MYO3A: variants seen among roughly 807,000 people sequenced by gnomAD.
MYO3A encodes myosin IIIA, also known as myosin-IIIa.
In MYO3A, 180 loss-of-function variants were observed where a neutral mutation model predicts 192.7. The ratio of observed to expected loss-of-function variants is 0.93; its 90% CI spans 0.83 to 1.06. MYO3A has a LOEUF of 1.06. Among genes scored for constraint, MYO3A ranks in the 50% least tolerant of loss-of-function variants. MYO3A has a pLI of 0.00. For missense variants in MYO3A, 1,896 were observed against 1,905.0 expected, an observed-to-expected ratio of 1.00 and a Z score of 0.09; for synonymous variants, 628 against 645.3, an observed-to-expected ratio of 0.97 and a Z score of 0.41.
chr10:26,114,053 A>G (rs1838352943), intron 17 of MYO3A, among the ~76,000 whole-genome samples: 1 of 152,154 alleles, frequency 6.6e-6, no homozygotes, highest in African/African-American at 2.4e-5. Context: ...TCTGCCTGGT[A>G]TGTGAGTTGC....
chr10:26,040,168 T>C (rs1362397270), intron 10 of MYO3A, among the ~76,000 whole-genome samples: 3 of 151,996 alleles, frequency 2.0e-5, no homozygotes, highest in African/African-American at 7.2e-5. Context: ...GTTAACCCTT[T>C]TCCTGTTTTT....
intron 26 of MYO3A, among the ~76,000 whole-genome samples, chr10:26,164,031 A>G (rs1052437482): frequency 6.6e-6 from 1 of 152,252 alleles, no homozygotes; most frequent in Non-Finnish European, 1.5e-5. Context: ...ATTAGAATGG[A>G]AAAGGACCTG....
At chr10:25,986,052 A>G (rs116514862) in intron 4 of MYO3A, among the ~76,000 whole-genome samples, 1,641 of 152,324 alleles carry the variant, frequency 0.011, 24 homozygotes, top group African/African-American at 0.036. Context: ...ATAGATTAAC[A>G]TATGTAAGTC....
At chr10:26,171,450 G>C (rs761670587) in intron 29 of MYO3A, among the ~76,000 whole-genome samples, 3 of 150,194 alleles carry the variant, frequency 2.0e-5, no homozygotes, top group Admixed American at 2.0e-4. Flanking sequence ...TGGTCTCACA[G>C]ATGATCTCAT....
intron 20 of MYO3A, among the ~76,000 whole-genome samples, chr10:26,138,612 T>A (rs192828846): frequency 6.6e-6 from 1 of 152,146 alleles, no homozygotes; most frequent in Non-Finnish European, 1.5e-5. Flanking sequence ...ACTCATATTA[T>A]TGAAAGGCAA....
In MYO3A at chr10:26,055,432, C is replaced by T. The variant is rs146731954; in HGVS notation, c.954-11543C>T. ...ACAGGTAGGAAAATACAGAAAATAT[C>T]AGCTTATTGGAGCAGAAACATGCAA... On this transcript the variant is annotated intron_variant, in intron 10 of 34. Coordinates refer to ENST00000642920, the MANE Select transcript of MYO3A (RefSeq NM_017433.5). Among the ~76,000 whole-genome samples, 81 of 152,050 alleles carry T rather than the reference C, an allele frequency of 5.3e-4. No homozygotes were observed. The East Asian group carries it at 0.014, about 27-fold the overall frequency.
intron 20 of MYO3A, among the ~76,000 whole-genome samples, chr10:26,142,621 T>C (rs1840227709): frequency 6.6e-6 from 1 of 152,224 alleles, no homozygotes; most frequent in African/African-American, 2.4e-5. Flanking sequence ...AGAAAATAGA[T>C]GTTTATAGAG....
intron 17 of MYO3A, among the ~76,000 whole-genome samples, chr10:26,100,905 G>T (rs540957959): frequency 6.6e-6 from 1 of 152,218 alleles, no homozygotes; most frequent in East Asian, 1.9e-4. Context: ...GTAGATGTCT[G>T]TTAGGTCTGC....
At chr10:25,988,158 C>G (rs1839769583) in intron 4 of MYO3A, among the ~76,000 whole-genome samples, 1 of 151,988 alleles carries the variant, frequency 6.6e-6, no homozygotes, top group Non-Finnish European at 1.5e-5. Context: ...GAGAGCTAAG[C>G]TATGAGGACA....
chr10:26,186,491 C>A (rs1842876239), intron 31 of MYO3A, among the ~76,000 whole-genome samples: 1 of 152,176 alleles, frequency 6.6e-6, no homozygotes, highest in Non-Finnish European at 1.5e-5. Context: ...TGGTCTCGAT[C>A]TCCTGACCTC....
Position 26,137,291 on chromosome 10 carries a change from G to A in MYO3A, c.2263-6157G>A, listed in dbSNP as rs183045142. 1.6e-4 allele frequency among the ~76,000 whole-genome samples: 24 copies of A among 152,266 alleles called. 1 individual carries two copies. The highest frequency in any genetic ancestry group is 1.0e-3 in the South Asian group (5 of 4,828). On this transcript the variant is annotated intron_variant, in intron 20 of 34. Coordinates refer to ENST00000642920, the MANE Select transcript of MYO3A (RefSeq NM_017433.5). The stretch of plus-strand genomic sequence containing the variant: ...AAGATTTGAAATAGTTCACTGTTGC[G>A]GGAAGTCAGGGACCCTGAATGGAGG...
rs1840287622 is a variant in MYO3A, at chr10:26,143,526, CA to C, written c.2345del (p.Lys782SerfsTer24). 6.2e-7 allele frequency: 1 copy of C among 1,613,890 alleles called. No homozygotes were observed. The highest frequency in any genetic ancestry group is 1.3e-5 in the African/African-American group (1 of 75,020). On this transcript the variant is annotated frameshift_variant, in exon 21 of 35. Coordinates refer to ENST00000642920, the MANE Select transcript of MYO3A (RefSeq NM_017433.5). LOFTEE classifies it high-confidence loss of function. ...CTGGCCCCTCTTAGATATGTTTCTG[CA>C]AAAGCCAATGGGTTTACTTTCCCTA... is the stretch of plus-strand genomic sequence containing the variant. ...DNWPLLDMFL[Q>X]KPMGLLSLLD...
At chr10:25,979,375 A>C (rs886590347) in intron 4 of MYO3A, among the ~76,000 whole-genome samples, 12 of 150,912 alleles carry the variant, frequency 8.0e-5, no homozygotes, top group Non-Finnish European at 1.6e-4. Context: ...GTCACAAAAT[A>C]TTATCTTAGT....
In MYO3A at chr10:26,068,805, G is replaced by A. The variant is rs1315457275; in HGVS notation, c.1091G>A (p.Arg364Lys). The A allele has an allele frequency of 6.3e-7, 1 of 1,596,756 alleles. No homozygotes were observed. Among genetic ancestry groups the A allele is most frequent in the African/African-American group, 1.3e-5 (1 of 74,616 alleles). The change falls in exon 12 of 35, where the codon AGA (arginine) becomes AAA (lysine). Residue 364 changes from arginine to lysine, a missense_variant. Transcript: ENST00000642920. Reference protein sequence around the residue: ...VSEQLEKCYSRDQIYVYVGDI... With the variant: ...VSEQLEKCYSKDQIYVYVGDI... ...GAGCAACTTGAGAAGTGTTATTCCA[G>A]AGATCAGATCTACGTCTATGTGGGA... is the stretch of plus-strand genomic sequence containing the variant.
At chr10:26,121,326 G>T (rs1156973054) in intron 18 of MYO3A, among the ~76,000 whole-genome samples, 1 of 151,934 alleles carries the variant, frequency 6.6e-6, no homozygotes, top group Non-Finnish European at 1.5e-5. Context: ...GTAATTTAAG[G>T]TTTTCCATTA....
chr10:26,125,608 G>A lies in MYO3A; in HGVS notation c.2114G>A (p.Ser705Asn), dbSNP rs141374777. ...TTGTTGAAGCATGACTCATCACCAA[G>A]GTAAAAATTTTTACAGAAACATTTT... is the stretch of plus-strand genomic sequence containing the variant. ...NSLLKHDSSPSGNGDELSIGI... is the reference protein window; with the variant it reads ...NSLLKHDSSPNGNGDELSIGI... Residue 705 changes from serine (S) to asparagine (N), a missense_variant and splice_region_variant, in exon 19 of 35, where the codon AGT (serine) becomes AAT (asparagine). Physicochemically the swap from Ser to Asn is conservative, Grantham distance 46 (BLOSUM62 1). Coordinates refer to ENST00000642920, the MANE Select transcript of MYO3A (RefSeq NM_017433.5). 6.2e-7 allele frequency: 1 copy of A among 1,613,340 alleles called. No individual in the cohort carries two copies. Among genetic ancestry groups the A allele is most frequent in the Non-Finnish European group, 8.5e-7 (1 of 1,179,644 alleles).
chr10:26,007,459 A>G (rs1484423414), intron 6 of MYO3A, among the ~76,000 whole-genome samples: 1 of 151,132 alleles, frequency 6.6e-6, no homozygotes, highest in African/African-American at 2.5e-5. Context: ...TTTGCAGATG[A>G]CATGATTGTA....
chr10:26,183,963 G>A (rs368661959), intron 31 of MYO3A, among the ~76,000 whole-genome samples: 3 of 152,168 alleles, frequency 2.0e-5, no homozygotes, highest in East Asian at 3.9e-4. Context: ...GCTCAGGCCT[G>A]TAATCCCAGC....
intron 11 of MYO3A, among the ~76,000 whole-genome samples, chr10:26,067,967 A>G (rs1834956624): frequency 6.6e-6 from 1 of 152,204 alleles, no homozygotes; most frequent in African/African-American, 2.4e-5. Flanking sequence ...GTACTTCCTC[A>G]AAATAATCTC....
Sources: gnomAD v4.1 joint callset for allele counts (sites outside exome capture counted in the v4.1 genomes callset) on GRCh38, gnomAD v4.1.1 for gene constraint, MANE v1.5 for transcripts, NCBI Gene and HGNC (gene_info 2026-07-23, HGNC 2026-07-21) for gene names.